TRAPPC6B: variants seen among roughly 807,000 people sequenced by gnomAD.
The protein encoded by TRAPPC6B is trafficking protein particle complex subunit 6B, also known as TRAPP complex subunit 6B.
In TRAPPC6B, 27 loss-of-function variants were observed where a neutral mutation model predicts 24.7. The ratio of observed to expected loss-of-function variants is 1.09; its 90% CI spans 0.81 to 1.51. The LOEUF (loss-of-function observed/expected upper bound fraction) is 1.51. TRAPPC6B is among the 40% of genes most tolerant of loss of function. The pLI, the probability that TRAPPC6B is intolerant of heterozygous loss-of-function variation, is 0.00. For synonymous variants in TRAPPC6B, 80 were observed against 66.6 expected, an observed-to-expected ratio of 1.20 and a Z score of -0.98; for missense variants, 212 against 190.8, an observed-to-expected ratio of 1.11 and a Z score of -0.66.
intron 1 of TRAPPC6B, among the ~76,000 whole-genome samples, chr14:39,165,437 A>G (rs568733362): frequency 3.4e-4 from 52 of 152,216 alleles, no homozygotes; most frequent in African/African-American, 1.2e-3. Context: ...AATTCTGTAC[A>G]TACATCTATT....
Position 39,156,550 on chromosome 14 carries a change from G to A in TRAPPC6B, c.267+1735C>T, listed in dbSNP as rs185094634. On this transcript the variant is annotated intron_variant, in intron 3 of 5. Coordinates refer to ENST00000330149, the MANE Select transcript of TRAPPC6B (RefSeq NM_001079537.2). The stretch of plus-strand genomic sequence containing the variant: ...TCAAGACTAGTCTGGGCAACAAAGC[G>A]AGACTCTGTCTCCCTTTTAAAATTT... 4.6e-5 allele frequency among the ~76,000 whole-genome samples: 7 copies of A among 152,172 alleles called. No individual in the cohort carries two copies. In the East Asian group the frequency reaches 7.7e-4, roughly 17 times the overall value.
chr14:39,150,301 T>C lies in TRAPPC6B; in HGVS notation c.*49A>G. 6.8e-7 allele frequency: 1 copy of C among 1,472,798 alleles called. No homozygotes were observed. The highest frequency in any genetic ancestry group is 2.0e-5 in the Admixed American group (1 of 50,718). 91.2% of individuals were successfully genotyped at this position (1,472,798 alleles called of 1,614,324 possible). ...CATCACTACTTGAAATACTTTTACATGAATAATTTATCTCTTTACACTGTT... is the reference window on the plus strand; with the variant it reads ...CATCACTACTTGAAATACTTTTACACGAATAATTTATCTCTTTACACTGTT... On this transcript the variant is annotated 3_prime_UTR_variant, in exon 6 of 6. Coordinates refer to ENST00000330149, the MANE Select transcript of TRAPPC6B (RefSeq NM_001079537.2).
At chr14:39,155,083 C>T (rs567130571) in intron 3 of TRAPPC6B, among the ~76,000 whole-genome samples, 1 of 151,976 alleles carries the variant, frequency 6.6e-6, no homozygotes, top group African/African-American at 2.4e-5. Context: ...CACATGCCAC[C>T]ACACCCGGCT....
At chr14:39,163,092 G>A (rs1478405855) in intron 1 of TRAPPC6B, among the ~76,000 whole-genome samples, 4 of 150,650 alleles carry the variant, frequency 2.7e-5, no homozygotes, top group African/African-American at 5.0e-5. Context: ...AAATGTGTTG[G>A]CTGGGTGTGG....
intron 3 of TRAPPC6B, among the ~76,000 whole-genome samples, chr14:39,155,654 A>G (rs2052968335): frequency 6.6e-6 from 1 of 152,050 alleles, no homozygotes; most frequent in South Asian, 2.1e-4. Context: ...CTCCTTCCTC[A>G]GCCTCCTGAG....
chr14:39,148,467 G>C lies in TRAPPC6B; in HGVS notation c.*1883C>G, dbSNP rs547166327. ...GCCAAAAAAAAAGAAAAAAAAAATG[G>C]GGCTTTGTCAGCAAGGAAGGGAGAA... On this transcript the variant is annotated 3_prime_UTR_variant, in exon 6 of 6. Transcript: ENST00000330149. 7.7e-6 allele frequency: 3 copies of C among 388,752 alleles called. No homozygotes were observed. The highest frequency in any genetic ancestry group is 6.2e-5 in the African/African-American group (3 of 48,524). 24.1% of individuals were successfully genotyped at this position (388,752 alleles called of 1,614,324 possible). A position where few individuals can be genotyped will look rare whatever the true frequency, so the allele number is the denominator to read the frequency against.
intron 1 of TRAPPC6B, among the ~76,000 whole-genome samples, chr14:39,165,076 C>T (rs1009149194): frequency 4.7e-5 from 7 of 148,270 alleles, no homozygotes; most frequent in Non-Finnish European, 7.4e-5. Context: ...GACGGAGTCT[C>T]GCTCAGTTGC....
intron 4 of TRAPPC6B, among the ~76,000 whole-genome samples, chr14:39,153,101 G>C (rs373556523): frequency 6.6e-6 from 1 of 151,856 alleles, no homozygotes; most frequent in Non-Finnish European, 1.5e-5. Flanking sequence ...GACTAGCCTC[G>C]CCAACATGGT....
At chr14:39,164,240 T>C (rs1469988987) in intron 1 of TRAPPC6B, among the ~76,000 whole-genome samples, 2 of 152,154 alleles carry the variant, frequency 1.3e-5, no homozygotes, top group Non-Finnish European at 2.9e-5. Flanking sequence ...TCACGCCTCC[T>C]AGCATTTTGG....
At chr14:39,158,931 T>C (rs954526175) in intron 2 of TRAPPC6B, 9 of 152,400 alleles carry the variant, frequency 5.9e-5, no homozygotes, top group Non-Finnish European at 1.2e-4. Flanking sequence ...TCTAACATTA[T>C]AGCCAAAATT....
chr14:39,148,800 T>C lies in TRAPPC6B; in HGVS notation c.*1550A>G, dbSNP rs1158898266. On this transcript the variant is annotated 3_prime_UTR_variant, in exon 6 of 6. Transcript: ENST00000330149. The stretch of plus-strand genomic sequence containing the variant: ...GGGATACATTCTGAGAAATGCATCA[T>C]CATTAGGAGATTTTAAAATTGTACA... 5.0e-6 allele frequency: 2 copies of C among 398,260 alleles called. No individual in the cohort carries two copies. Among genetic ancestry groups the C allele is most frequent in the Admixed American group, 8.8e-5 (2 of 22,706 alleles). The allele number at this position is 398,260 out of a possible 1,614,324, so 24.7% of individuals were successfully genotyped here. A position where few individuals can be genotyped will look rare whatever the true frequency, so the allele number is the denominator to read the frequency against.
At chr14:39,153,150 G>C (rs1428732027) in intron 4 of TRAPPC6B, among the ~76,000 whole-genome samples, 1 of 151,968 alleles carries the variant, frequency 6.6e-6, no homozygotes, top group Non-Finnish European at 1.5e-5. Context: ...AAATTAGCCA[G>C]GCATGGTGGC....
At chr14:39,155,345 G>T (rs1008373371) in intron 3 of TRAPPC6B, among the ~76,000 whole-genome samples, 1 of 151,220 alleles carries the variant, frequency 6.6e-6, no homozygotes, top group African/African-American at 2.4e-5. Context: ...GGGTTCAAGT[G>T]ATTCTCCTGC....
intron 1 of TRAPPC6B, among the ~76,000 whole-genome samples, chr14:39,168,735 T>A (rs2053133830): frequency 6.6e-6 from 1 of 152,162 alleles, no homozygotes; most frequent in African/African-American, 2.4e-5. Flanking sequence ...CCTACAGAAT[T>A]CCACTTTCTA....
In TRAPPC6B at chr14:39,148,614, G is replaced by T. The variant is rs2052881879; in HGVS notation, c.*1736C>A. The T allele has an allele frequency of 5.0e-6, 2 of 398,202 alleles. No individual in the cohort carries two copies. The highest frequency in any genetic ancestry group is 1.3e-4 in the South Asian group (1 of 7,828). 24.7% of individuals were successfully genotyped at this position (398,202 alleles called of 1,614,324 possible). ...GAAGTTCTCTATTGTGTTCTATTTTGATCTACTTCTGTGTCATTAGCTATT... is the reference window on the plus strand; with the variant it reads ...GAAGTTCTCTATTGTGTTCTATTTTTATCTACTTCTGTGTCATTAGCTATT... On this transcript the variant is annotated 3_prime_UTR_variant, in exon 6 of 6. Transcript: ENST00000330149.
chr14:39,164,003 C>T lies in TRAPPC6B; in HGVS notation c.82-4453G>A, dbSNP rs1029828508. ...TCCCAACCCCCCATACACTGTAGTCCGGTGGAGCCTATCTTTTACAAGCTT... is the reference window on the plus strand; with the variant it reads ...TCCCAACCCCCCATACACTGTAGTCTGGTGGAGCCTATCTTTTACAAGCTT... On this transcript the variant is annotated intron_variant, in intron 1 of 5. Transcript: ENST00000330149. Among the ~76,000 whole-genome samples, 18 of 149,840 alleles carry T rather than the reference C, an allele frequency of 1.2e-4. 3 individuals are homozygous for T. Among genetic ancestry groups the T allele is most frequent in the African/African-American group, 4.3e-4 (17 of 39,276 alleles).
rs561250666 is a variant in TRAPPC6B, at chr14:39,164,257, G to A, written c.82-4707C>T. ...ACGCCTCCTAGCATTTTGGGAGGCC[G>A]AGGCAGGCGGATTACCTGAGGTCAG... is the stretch of plus-strand genomic sequence containing the variant. On this transcript the variant is annotated intron_variant, in intron 1 of 5. Transcript: ENST00000330149. Among the ~76,000 whole-genome samples, 45 of 152,224 alleles carry A rather than the reference G, an allele frequency of 3.0e-4. No individual in the cohort carries two copies. The South Asian group carries it at 9.1e-3, about 31-fold the overall frequency.
intron 2 of TRAPPC6B, chr14:39,159,240 A>T (rs1380485976): frequency 4.6e-6 from 1 of 215,804 alleles, no homozygotes; most frequent in Non-Finnish European, 8.9e-6. Context: ...ATAAAGTCTA[A>T]AATAGCTTCA....
intron 3 of TRAPPC6B, chr14:39,157,697 G>C (rs183031946): frequency 4.4e-6 from 1 of 228,038 alleles, no homozygotes. Context: ...GAGGACAATG[G>C]AGCTTAGGTT....
Sources: allele counts gnomAD v4.1 joint callset (sites outside exome capture counted in the v4.1 genomes callset), GRCh38; gene constraint gnomAD v4.1.1; transcripts MANE v1.5; gene names NCBI Gene and HGNC (gene_info 2026-07-23, HGNC 2026-07-21).